The following TRIM71 variants were observed in gnomAD, a reference collection of about 807,000 sequenced individuals.
TRIM71 encodes E3 ubiquitin-protein ligase TRIM71.
Under a neutral mutation model 61.2 loss-of-function variants are expected in TRIM71, and 9 were observed. The observed-to-expected ratio is 0.15, with a 90% CI of 0.09 to 0.26. The LOEUF (loss-of-function observed/expected upper bound fraction) is 0.26. Among genes scored for constraint, TRIM71 ranks in the 10% least tolerant of loss-of-function variants. TRIM71 has a pLI of 1.00. For synonymous variants in TRIM71, 645 were observed against 553.2 expected (o/e 1.17, Z -2.33); for missense variants, 998 against 1,238.7 (o/e 0.81, Z 2.92).
intron 2 of TRIM71, among the ~76,000 whole-genome samples, chr3:32,876,743 C>A (rs76332278): frequency 6.6e-6 from 1 of 152,142 alleles, no homozygotes; most frequent in Non-Finnish European, 1.5e-5. Flanking sequence ...TGGGAAAAGC[C>A]ACCATGGGGG....
intron 1 of TRIM71, among the ~76,000 whole-genome samples, chr3:32,852,165 A>T (rs2125682327): frequency 1.3e-5 from 2 of 152,266 alleles, no homozygotes; most frequent in Middle Eastern, 6.8e-3. Flanking sequence ...CCTGGGGGGT[A>T]GCCTTTTGGA....
In TRIM71 at chr3:32,897,264, T is replaced by G. The variant is rs1357604743; in HGVS notation, c.*5453T>G. The stretch of plus-strand genomic sequence containing the variant: ...GTTGCCTTATGTTAGAATGACTAAG[T>G]TAAACCTCTTAATTTGTATTTGTCC... On this transcript the variant is annotated 3_prime_UTR_variant, in exon 4 of 4. Coordinates refer to ENST00000383763, the MANE Select transcript of TRIM71 (RefSeq NM_001039111.3). The G allele has an allele frequency of 6.6e-6, 1 of 152,116 alleles. No individual in the cohort carries two copies. The highest frequency in any genetic ancestry group is 1.5e-5 in the Non-Finnish European group (1 of 68,024). The allele number at this position is 152,116 out of a possible 1,614,324, so 9.4% of individuals were successfully genotyped here.
rs1442831477 is a variant in TRIM71, at chr3:32,890,159, T to G, written c.1156-201T>G. 6.6e-6 allele frequency among the ~76,000 whole-genome samples: 1 copy of G among 152,202 alleles called. No individual in the cohort carries two copies. Among genetic ancestry groups the G allele is most frequent in the Admixed American group, 6.5e-5 (1 of 15,274 alleles). On this transcript the variant is annotated intron_variant, in intron 3 of 3. Transcript: ENST00000383763. This position sits in a 1 kb window ranked among gnomAD's most constrained non-coding sequence, Gnocchi z 6.2. ...GTTGTCCTGTTTCTAGTAACTATCCTCTGTAACCCAGAACAGTTCTTCAGG... is the reference window on the plus strand; with the variant it reads ...GTTGTCCTGTTTCTAGTAACTATCCGCTGTAACCCAGAACAGTTCTTCAGG...
chr3:32,875,843 TC>T (rs1197639030), intron 2 of TRIM71, among the ~76,000 whole-genome samples: 1 of 151,892 alleles, frequency 6.6e-6, no homozygotes, highest in African/African-American at 2.4e-5. Flanking sequence ...TCAAAAAAAA[TC>T]CGTTTTGAAA....
intron 1 of TRIM71, among the ~76,000 whole-genome samples, chr3:32,830,666 G>A (rs181246436): frequency 6.6e-6 from 1 of 152,302 alleles, no homozygotes; most frequent in East Asian, 1.9e-4. Context: ...TCCAGCTTTT[G>A]CCTGATTGTC....
rs548839326 is a variant in TRIM71, at chr3:32,828,944, C to G, written c.852+10012C>G. ...ATAGCAATCCTCCTATGTCAGTCTC[C>G]TAGAGTACTGGGGTTACAGGCATGA... is the stretch of plus-strand genomic sequence containing the variant. On this transcript the variant is annotated intron_variant, in intron 1 of 3. Coordinates refer to ENST00000383763, the MANE Select transcript of TRIM71 (RefSeq NM_001039111.3). 2.3e-3 allele frequency among the ~76,000 whole-genome samples: 357 copies of G among 152,168 alleles called. 1 individual carries two copies. Among genetic ancestry groups the G allele is most frequent in the African/African-American group, 8.0e-3 (333 of 41,528 alleles).
At chr3:32,820,464 T>TC (rs1477208464) in intron 1 of TRIM71, among the ~76,000 whole-genome samples, 1 of 152,228 alleles carries the variant, frequency 6.6e-6, no homozygotes, top group Non-Finnish European at 1.5e-5. Context: ...TACTGTGGGT[T>TC]CATGTTCTTT....
At chr3:32,835,685 A>T (rs1307044450) in intron 1 of TRIM71, among the ~76,000 whole-genome samples, 1 of 152,160 alleles carries the variant, frequency 6.6e-6, no homozygotes, top group Non-Finnish European at 1.5e-5. Context: ...TAATTGCTGG[A>T]TGAATAGAAA....
intron 2 of TRIM71, among the ~76,000 whole-genome samples, chr3:32,879,695 G>C (rs909961467): frequency 4.0e-5 from 6 of 150,732 alleles, no homozygotes; most frequent in African/African-American, 7.3e-5. Flanking sequence ...AAAACTGGCT[G>C]AGTACTGTAG....
intron 1 of TRIM71, among the ~76,000 whole-genome samples, chr3:32,837,221 G>A (rs79573896): frequency 1.4e-3 from 211 of 152,240 alleles, no homozygotes; most frequent in Non-Finnish European, 2.0e-3. Flanking sequence ...TAATTTAGTC[G>A]TGTAAGCATT....
intron 1 of TRIM71, among the ~76,000 whole-genome samples, chr3:32,854,181 CA>C (rs1281853230): frequency 6.6e-6 from 1 of 152,124 alleles, no homozygotes; most frequent in Non-Finnish European, 1.5e-5. Flanking sequence ...TGTAGAGACT[CA>C]GAGGTCTCAC....
chr3:32,860,954 C>A (rs569004841), intron 1 of TRIM71, among the ~76,000 whole-genome samples: 1 of 152,028 alleles, frequency 6.6e-6, no homozygotes, highest in African/African-American at 2.4e-5. Flanking sequence ...GCAGGCAGAT[C>A]GCTTGAGTGC....
At chr3:32,847,481 C>T (rs776351011) in intron 1 of TRIM71, among the ~76,000 whole-genome samples, 2 of 152,188 alleles carry the variant, frequency 1.3e-5, no homozygotes, top group Non-Finnish European at 2.9e-5. Flanking sequence ...AGGTGTGAGC[C>T]ACCGCACCCA....
At chr3:32,832,940 A>C (rs1696289951) in intron 1 of TRIM71, among the ~76,000 whole-genome samples, 1 of 152,022 alleles carries the variant, frequency 6.6e-6, no homozygotes, top group South Asian at 2.1e-4. Context: ...TTGGATGCCG[A>C]GGCAGGTGGA....
chr3:32,858,469 G>A (rs1175185850), intron 1 of TRIM71, among the ~76,000 whole-genome samples: 1 of 152,196 alleles, frequency 6.6e-6, no homozygotes, highest in East Asian at 1.9e-4. Context: ...CCAGGATACT[G>A]TGGCCTCATA....
chr3:32,839,371 C>A (rs1299561154), intron 1 of TRIM71, among the ~76,000 whole-genome samples: 1 of 151,988 alleles, frequency 6.6e-6, no homozygotes, highest in Non-Finnish European at 1.5e-5. Flanking sequence ...GCTGGGATTA[C>A]AGGTGCGTGC....
chr3:32,827,724 A>G (rs1251993703), intron 1 of TRIM71, among the ~76,000 whole-genome samples: 1 of 152,158 alleles, frequency 6.6e-6, no homozygotes, highest in Non-Finnish European at 1.5e-5. Flanking sequence ...CCTGGTTCTG[A>G]CACCCTGTGA....
At chr3:32,856,332 T>G (rs1055782215) in intron 1 of TRIM71, among the ~76,000 whole-genome samples, 9 of 152,176 alleles carry the variant, frequency 5.9e-5, no homozygotes, top group African/African-American at 1.9e-4. Context: ...ATAGTTTTCT[T>G]TACCTGGAAC....
chr3:32,856,334 A>C (rs1696604131), intron 1 of TRIM71, among the ~76,000 whole-genome samples: 1 of 151,880 alleles, frequency 6.6e-6, no homozygotes, highest in Non-Finnish European at 1.5e-5. Flanking sequence ...AGTTTTCTTT[A>C]CCTGGAACTT....
Sources: gnomAD v4.1 joint callset for allele counts (sites outside exome capture counted in the v4.1 genomes callset) on GRCh38, gnomAD v4.1.1 for gene constraint, Gnocchi (gnomAD v3.1) non-coding constraint, MANE v1.5 for transcripts, NCBI Gene and HGNC (gene_info 2026-07-23, HGNC 2026-07-21) for gene names.